CACNA1A: variants seen among roughly 807,000 people sequenced by gnomAD.
CACNA1A encodes calcium voltage-gated channel subunit alpha1 A, also known as voltage-dependent P/Q-type calcium channel subunit alpha-1A.
Under a neutral mutation model 262.4 loss-of-function variants are expected in CACNA1A, and 57 were observed. The observed-to-expected ratio is 0.22, with a 90% CI of 0.18 to 0.27. The LOEUF (loss-of-function observed/expected upper bound fraction) is 0.27, where lower values mean the gene tolerates loss of function less well. Among genes scored for constraint, CACNA1A ranks in the 10% least tolerant of loss-of-function variants. The pLI is 1.00. For synonymous variants in CACNA1A, 1,431 were observed against 1,419.3 expected, an observed-to-expected ratio of 1.01 and a Z score of -0.18; for missense variants, 2,526 against 3,562.8, an observed-to-expected ratio of 0.71 and a Z score of 7.41.
At chr19:13,345,706 G>T (rs2058750996) in intron 6 of CACNA1A, among the ~76,000 whole-genome samples, 1 of 152,078 alleles carries the variant, frequency 6.6e-6, no homozygotes, top group Non-Finnish European at 1.5e-5. Context: ...GATAAACATG[G>T]GGGTGGATTT....
chr19:13,324,497 CATG>C (rs2058314310), intron 10 of CACNA1A, among the ~76,000 whole-genome samples: 2 of 152,176 alleles, frequency 1.3e-5, no homozygotes, highest in African/African-American at 2.4e-5. Flanking sequence ...TGTTAATTAG[CATG>C]ACTGAATCAT....
chr19:13,262,409 C>A, intron 25 of CACNA1A: 1 of 217,150 alleles, frequency 4.6e-6, no homozygotes, highest in Non-Finnish European at 9.2e-6. Context: ...TTTTATGGAA[C>A]AAGAAATCTA....
chr19:13,382,552 G>A lies in CACNA1A; in HGVS notation c.540-10773C>T, dbSNP rs1267635304. On this transcript the variant is annotated intron_variant, in intron 3 of 46. Transcript: ENST00000360228. Reference sequence around the variant, plus strand: ...GGTAGGGGAGAGGTTGGGTAAGCTGGACAGTGGAGGCTGTCAACTAGAGGC... The same window carrying A: ...GGTAGGGGAGAGGTTGGGTAAGCTGAACAGTGGAGGCTGTCAACTAGAGGC... 5.3e-5 allele frequency among the ~76,000 whole-genome samples: 8 copies of A among 152,320 alleles called. No individual in the cohort carries two copies. The East Asian group carries it at 1.2e-3, about 22-fold the overall frequency.
chr19:13,481,303 G>A (rs150090279), intron 1 of CACNA1A, among the ~76,000 whole-genome samples: 15 of 152,294 alleles, frequency 9.8e-5, no homozygotes, highest in East Asian at 1.9e-4. Flanking sequence ...CTCATGATAG[G>A]TGGACCTAGA....
At position 13,298,702 on chromosome 19, in the gene CACNA1A, C is replaced by T; in HGVS notation, c.2931G>A (p.Ala977=). The T allele has an allele frequency of 6.8e-7, 1 of 1,460,502 alleles. No homozygotes were observed. The highest frequency in any genetic ancestry group is 9.0e-7 in the Non-Finnish European group (1 of 1,110,974). The allele number at this position is 1,460,502 out of a possible 1,614,324, so 90.5% of individuals were successfully genotyped here. Residue 977 remains alanine, a synonymous_variant, in exon 19 of 47, where the codon GCG becomes GCA. Transcript: ENST00000360228. ...EGPEDKAERR[A]RHREGSRPAR... is the part of the protein sequence containing the mutation. Reference sequence around the variant, plus strand: ...CCGGCCGGCTGCCCTCGCGGTGCCGCGCCCTCCGCTCCGCCTTGTCCTCCG... The same window carrying T: ...CCGGCCGGCTGCCCTCGCGGTGCCGTGCCCTCCGCTCCGCCTTGTCCTCCG...
Position 13,365,306 on chromosome 19 carries a change from C to T in CACNA1A, c.784+11G>A, listed in dbSNP as rs757532272. On this transcript the variant is annotated intron_variant, in intron 5 of 46. Transcript: ENST00000360228. ...AAAACTGGAAAGATGCATCATGCTC[C>T]GTGGACCTACCTGTCCCCTCTTCAA... The T allele has an allele frequency of 6.8e-6, 11 of 1,607,564 alleles. No individual in the cohort carries two copies. The highest frequency in any genetic ancestry group is 3.3e-5 in the Admixed American group (2 of 59,728).
intron 1 of CACNA1A, among the ~76,000 whole-genome samples, chr19:13,491,022 A>G (rs1980814884): frequency 6.6e-6 from 1 of 151,946 alleles, no homozygotes. Context: ...GGAAGGAAGG[A>G]AAGGAAGAAA....
chr19:13,284,977 ACACT>A, intron 21 of CACNA1A, 87 bp downstream of exon 21: 2 of 1,291,244 alleles, frequency 1.5e-6, no homozygotes, highest in Non-Finnish European at 2.2e-6. Context: ...ATGGTGGTCA[ACACT>A]CACTCATTGC....
At chr19:13,253,431 T>C (rs1247090188) in intron 29 of CACNA1A, among the ~76,000 whole-genome samples, 2 of 148,840 alleles carry the variant, frequency 1.3e-5, no homozygotes, top group African/African-American at 2.5e-5. Flanking sequence ...GCCATTGTGC[T>C]TGGCTGAATT....
At chr19:13,280,140 T>C (rs1438034229) in intron 22 of CACNA1A, among the ~76,000 whole-genome samples, 3 of 151,700 alleles carry the variant, frequency 2.0e-5, no homozygotes, top group Non-Finnish European at 4.4e-5. Flanking sequence ...TTGCAAATTA[T>C]ATGCTCTAGA....
chr19:13,255,721 T>TTCTCTCCCTCCCTCCC (rs2056537455), intron 28 of CACNA1A, among the ~76,000 whole-genome samples: 3 of 51,644 alleles, frequency 5.8e-5, no homozygotes, highest in Non-Finnish European at 1.1e-4. Flanking sequence ...CCCTCCCTCC[T>TTCTCTCCCTCCCTCCC]TCTCTCCCTC....
chr19:13,211,906 G>GGGA, intron 43 of CACNA1A, 197 bp downstream of exon 43: 1 of 568,530 alleles, frequency 1.8e-6, no homozygotes, highest in Non-Finnish European at 3.1e-6. Context: ...TCCTCTGTGA[G>GGGA]GGAGGAGGGT....
chr19:13,483,069 C>A (rs961334504), intron 1 of CACNA1A, among the ~76,000 whole-genome samples: 6 of 152,098 alleles, frequency 3.9e-5, no homozygotes, highest in Admixed American at 3.9e-4. Context: ...CTCTCATACA[C>A]CATGGGATGA....
chr19:13,386,667 C>A (rs1274557222), intron 3 of CACNA1A, among the ~76,000 whole-genome samples: 2 of 151,960 alleles, frequency 1.3e-5, no homozygotes, highest in African/African-American at 2.4e-5. Context: ...GTGGCAGGCA[C>A]CTGTAATCCC....
intron 24 of CACNA1A, among the ~76,000 whole-genome samples, chr19:13,265,253 G>A (rs956101379): frequency 6.6e-6 from 1 of 152,176 alleles, no homozygotes; most frequent in African/African-American, 2.4e-5. Flanking sequence ...GAATGCCTCC[G>A]GTTGGAGTAT....
At chr19:13,311,648 T>G (rs919754156) in intron 12 of CACNA1A, among the ~76,000 whole-genome samples, 28 of 152,132 alleles carry the variant, frequency 1.8e-4, no homozygotes, top group Admixed American at 3.9e-4. Flanking sequence ...CCATCCTGGC[T>G]AACACGGTGA....
At chr19:13,340,311 A>C (rs769696149) in intron 6 of CACNA1A, among the ~76,000 whole-genome samples, 15 of 151,998 alleles carry the variant, frequency 9.9e-5, no homozygotes, top group Non-Finnish European at 1.6e-4. Context: ...CACAACAGAC[A>C]CACGTGGAGG....
intron 29 of CACNA1A, 120 bp downstream of exon 29, chr19:13,254,975 C>G: frequency 9.6e-7 from 1 of 1,042,840 alleles, no homozygotes; most frequent in Non-Finnish European, 1.4e-6. Flanking sequence ...GGAACAAAAT[C>G]TCAGAGGTGA....
chr19:13,418,268 A>T (rs4926284), intron 3 of CACNA1A, among the ~76,000 whole-genome samples: 10,534 of 152,040 alleles, frequency 0.069, 820 homozygotes, highest in African/African-American at 0.18. Context: ...CACAGCAAAT[A>T]TTTGGGGGAG....
Sources: gnomAD v4.1 joint callset for allele counts (sites outside exome capture counted in the v4.1 genomes callset) on GRCh38, gnomAD v4.1.1 for gene constraint, MANE v1.5 for transcripts, NCBI Gene and HGNC (gene_info 2026-07-23, HGNC 2026-07-21) for gene names.